KCNC4: variants seen among roughly 807,000 people sequenced by gnomAD.
KCNC4 encodes the protein potassium voltage-gated channel subfamily C member 4.
KCNC4 carries 23 observed loss-of-function variants against 42.8 expected under a neutral mutation model. The observed-to-expected ratio is 0.54, with a 90% confidence interval of 0.39 to 0.76. The LOEUF is 0.76. Ranked by LOEUF, KCNC4 falls within the 30% of genes least tolerant of loss-of-function variation. KCNC4 has a pLI of 0.00. For synonymous variants in KCNC4, 422 were observed against 393.5 expected (o/e 1.07, Z -0.86); for missense variants, 751 against 898.2 (o/e 0.84, Z 2.10).
chr1:110,227,525 C>T (rs1658462310), intron 3 of KCNC4, among the ~76,000 whole-genome samples: 1 of 152,210 alleles, frequency 6.6e-6, no homozygotes, highest in South Asian at 2.1e-4. Flanking sequence ...GGTGCTCAGA[C>T]CTCTACCCTC....
At chr1:110,226,209 G>T (rs748944906) in intron 3 of KCNC4, 31 bp downstream of exon 3, 2 of 1,601,102 alleles carry the variant, frequency 1.2e-6, no homozygotes, top group South Asian at 2.2e-5. Context: ...CAGGTGGGGA[G>T]CCCCCACAGA....
intron 3 of KCNC4, chr1:110,226,394 G>A: frequency 1.7e-6 from 1 of 591,882 alleles, no homozygotes; most frequent in Non-Finnish European, 3.1e-6. Context: ...CTCCCATCCA[G>A]CTGCCCATGG....
chr1:110,267,129 T>C (rs1659553169), intron 1 of KCNC4, among the ~76,000 whole-genome samples: 1 of 152,104 alleles, frequency 6.6e-6, no homozygotes, highest in Non-Finnish European at 1.5e-5. Context: ...GCAGTCTGTG[T>C]AGGGTGGGCT....
chr1:110,245,357 C>G (rs929017618), exon 4 of KCNC4: 22 of 152,352 alleles, frequency 1.4e-4, no homozygotes, highest in African/African-American at 5.3e-4. Context: ...GACCTAGGTC[C>G]ATTCCTCAAG....
At chr1:110,216,296 C>T (rs974187939) in intron 1 of KCNC4, among the ~76,000 whole-genome samples, 1 of 152,184 alleles carries the variant, frequency 6.6e-6, no homozygotes, top group Non-Finnish European at 1.5e-5. Flanking sequence ...AACCTGAGCC[C>T]AGGAGGGCAG....
At chr1:110,222,590 C>T (rs549731357) in intron 1 of KCNC4, 4 of 226,134 alleles carry the variant, frequency 1.8e-5, no homozygotes, top group South Asian at 1.8e-4. Flanking sequence ...AGGACCTGCC[C>T]CAAGCCTCTG....
chr1:110,236,269 G>A (rs1047773786), downstream of KCNC4: 1 of 152,068 alleles, frequency 6.6e-6, no homozygotes. Flanking sequence ...TTTGTTTTAC[G>A]AGGAGAAAAC....
chr1:110,238,992 AG>A (rs1318224039), downstream of KCNC4: 1 of 152,118 alleles, frequency 6.6e-6, no homozygotes, highest in Non-Finnish European at 1.5e-5. Flanking sequence ...GCTCTGCAGG[AG>A]CCTCCTCCCA....
chr1:110,228,246 GCTT>G (rs1319285751), intron 3 of KCNC4, among the ~76,000 whole-genome samples: 1 of 152,176 alleles, frequency 6.6e-6, no homozygotes, highest in Non-Finnish European at 1.5e-5. Flanking sequence ...GCTAATTAGG[GCTT>G]CTTAGAGTCA....
At chr1:110,254,399 T>G (rs1052668882) in intron 1 of KCNC4, among the ~76,000 whole-genome samples, 1 of 152,190 alleles carries the variant, frequency 6.6e-6, no homozygotes, top group Non-Finnish European at 1.5e-5. Context: ...CATTTGCACC[T>G]CATGTTCCTT....
intron 1 of KCNC4, chr1:110,220,514 C>A (rs767696714): frequency 3.3e-5 from 5 of 151,038 alleles, no homozygotes; most frequent in Non-Finnish European, 7.4e-5. Context: ...GCAGCTCTTC[C>A]TGAACTTGTT....
At chr1:110,283,467 T>C (rs967960240), downstream of KCNC4, among the ~76,000 whole-genome samples, 2 of 152,150 alleles carry the variant, frequency 1.3e-5, no homozygotes, top group Non-Finnish European at 2.9e-5. Flanking sequence ...GGTCAGGGGA[T>C]AGGAAATTGT....
chr1:110,211,399 T>G lies in KCNC4; in HGVS notation c.-101T>G. 6.8e-7 allele frequency: 1 copy of G among 1,467,412 alleles called. No homozygotes were observed. Among genetic ancestry groups the G allele is most frequent in the Non-Finnish European group, 9.1e-7 (1 of 1,100,718 alleles). The allele number at this position is 1,467,412 out of a possible 1,614,324, so 90.9% of individuals were successfully genotyped here. On this transcript the variant is annotated 5_prime_UTR_variant, in exon 1 of 4. Transcript: ENST00000438661. This position sits in a 1 kb window ranked among gnomAD's most constrained non-coding sequence, Gnocchi z 6.5. ...GAGGGGGCCGCCACCGCCTCCTGCC[T>G]CCTCTTCGTCTCCTCCCCCTCCCCC...
Position 110,233,002 on chromosome 1 carries a change from A to C in KCNC4, c.*30A>C. ...GCACCAACGTGAGAGAGACAGGCAG[A>C]CAGACAGAAAGCCAGAGGCTTAGGG... is the stretch of plus-strand genomic sequence containing the variant. On this transcript the variant is annotated 3_prime_UTR_variant, in exon 4 of 4. Coordinates refer to ENST00000438661, the MANE Select transcript of KCNC4 (RefSeq NM_001039574.3). 1 of 1,603,938 alleles carries C rather than the reference A, an allele frequency of 6.2e-7. No homozygotes were observed. Among genetic ancestry groups the C allele is most frequent in the Non-Finnish European group, 8.5e-7 (1 of 1,175,446 alleles).
intron 1 of KCNC4, among the ~76,000 whole-genome samples, chr1:110,277,049 G>C (rs182974372): frequency 1.1e-4 from 17 of 152,368 alleles, no homozygotes; most frequent in African/African-American, 3.8e-4. Flanking sequence ...TCTGCTTTCA[G>C]CATTACCTTC....
intron 3 of KCNC4, among the ~76,000 whole-genome samples, chr1:110,230,214 T>C (rs1453258894): frequency 6.6e-6 from 1 of 152,136 alleles, no homozygotes. Flanking sequence ...GGGGCCTGCC[T>C]CCCACTTGCT....
chr1:110,283,778 T>C (rs910951477), downstream of KCNC4, among the ~76,000 whole-genome samples: 19 of 152,234 alleles, frequency 1.2e-4, no homozygotes, highest in African/African-American at 4.3e-4. Flanking sequence ...CTGTTGTACT[T>C]TCTTGAAAAT....
At position 110,211,349 on chromosome 1, in the gene KCNC4, T is replaced by TAGGCAGGGGCAA; in HGVS notation, c.-150_-139dup. 1 of 1,139,956 alleles carries TAGGCAGGGGCAA rather than the reference T, an allele frequency of 8.8e-7. No individual in the cohort carries two copies. The highest frequency in any genetic ancestry group is 1.2e-6 in the Non-Finnish European group (1 of 822,200). The allele number at this position is 1,139,956 out of a possible 1,614,324, so 70.6% of individuals were successfully genotyped here. On this transcript the variant is annotated 5_prime_UTR_variant, in exon 1 of 4. Transcript: ENST00000438661. The surrounding 1 kb of genome is among the most constrained non-coding windows in gnomAD (Gnocchi z 6.5). ...CCTCCCGCTCCGCGTCCTAGGGGGA[T>TAGGCAGGGGCAA]AGGCAGGGGCAAGCCCAAGCCGCAG...
chr1:110,226,214 C>A (rs771171754), intron 3 of KCNC4, 36 bp downstream of exon 3: 1 of 1,598,082 alleles, frequency 6.3e-7, no homozygotes, highest in African/African-American at 1.3e-5. Context: ...GGGGAGCCCC[C>A]ACAGAGCTGA....
Sources: allele counts gnomAD v4.1 joint callset (sites outside exome capture counted in the v4.1 genomes callset), GRCh38; gene constraint gnomAD v4.1.1; non-coding constraint Gnocchi (gnomAD v3.1); transcripts MANE v1.5; gene names NCBI Gene and HGNC (gene_info 2026-07-23, HGNC 2026-07-21).